RANBP2: variants seen among roughly 807,000 people sequenced by gnomAD.
RANBP2 encodes the protein E3 SUMO-protein ligase RanBP2.
In RANBP2, 57 loss-of-function variants were observed where a neutral mutation model predicts 303.6. The ratio of observed to expected loss-of-function variants is 0.19; its 90% confidence interval spans 0.15 to 0.23. The LOEUF (loss-of-function observed/expected upper bound fraction) is 0.23, where lower values mean the gene tolerates loss of function less well. Ranked by LOEUF, RANBP2 falls within the 10% of genes least tolerant of loss-of-function variation. The probability of loss-of-function intolerance (pLI) is 1.00; values close to 1 mark genes in which losing one functional copy is unlikely to be tolerated. For missense variants in RANBP2, 3,138 were observed against 3,780.8 expected (o/e 0.83, Z 4.46); for synonymous variants, 1,167 against 1,301.5 (o/e 0.90, Z 2.23).
chr2:109,670,633 C>A, the RANBP2 span, among the ~76,000 whole-genome samples: 1 of 152,160 alleles, frequency 6.6e-6, no homozygotes, highest in Non-Finnish European at 1.5e-5. Context: ...TGACCTCGTT[C>A]TGCTGCTGCT....
chr2:109,267,091 C>T, the RANBP2 span, among the ~76,000 whole-genome samples: 54 of 152,140 alleles, frequency 3.5e-4, no homozygotes, highest in Non-Finnish European at 5.7e-4. Flanking sequence ...CCCTGAATGC[C>T]TCTGGTCTCT....
the RANBP2 span, among the ~76,000 whole-genome samples, chr2:109,362,654 C>T: frequency 6.6e-6 from 1 of 152,064 alleles, no homozygotes; most frequent in Non-Finnish European, 1.5e-5. Context: ...TGTCTCTGTC[C>T]ATTTCTGATT....
chr2:108,910,449 C>A, the RANBP2 span: 1 of 1,611,430 alleles, frequency 6.2e-7, no homozygotes, highest in Non-Finnish European at 8.5e-7. Flanking sequence ...GTGCTGGGGG[C>A]TTCCACATAC....
chr2:109,077,221 T>C, the RANBP2 span, among the ~76,000 whole-genome samples: 1 of 150,654 alleles, frequency 6.6e-6, no homozygotes, highest in Non-Finnish European at 1.5e-5. Flanking sequence ...TCACACCATA[T>C]ACAAAAGTCA....
the RANBP2 span, among the ~76,000 whole-genome samples, chr2:109,030,257 G>A: frequency 5.9e-5 from 9 of 152,266 alleles, no homozygotes; most frequent in East Asian, 1.9e-4. Flanking sequence ...CAGGCCATGC[G>A]CTCAAGTGCT....
At chr2:109,090,839 A>G in the RANBP2 span, among the ~76,000 whole-genome samples, 2 of 152,114 alleles carry the variant, frequency 1.3e-5, no homozygotes, top group African/African-American at 4.8e-5. Flanking sequence ...TTTCCAGTCA[A>G]ACTTATATAT....
the RANBP2 span, among the ~76,000 whole-genome samples, chr2:108,989,636 G>C: frequency 6.6e-6 from 1 of 152,008 alleles, no homozygotes; most frequent in Non-Finnish European, 1.5e-5. Flanking sequence ...GAGCCACCAG[G>C]ACTGCTCTTC....
chr2:109,392,854 C>CTGGCTT, the RANBP2 span, among the ~76,000 whole-genome samples: 1 of 152,196 alleles, frequency 6.6e-6, no homozygotes, highest in Non-Finnish European at 1.5e-5. Context: ...CAAAGAGTCC[C>CTGGCTT]TGGCTTTGGA....
At chr2:109,547,173 T>C in the RANBP2 span, among the ~76,000 whole-genome samples, 3 of 152,218 alleles carry the variant, frequency 2.0e-5, no homozygotes, top group Non-Finnish European at 4.4e-5. Flanking sequence ...CTAGCCTTCA[T>C]CTGCCAGCTA....
chr2:108,777,329 T>G, intron 25 of RANBP2, 98 bp downstream of exon 25: 1 of 939,444 alleles, frequency 1.1e-6, no homozygotes, highest in South Asian at 1.5e-5. Context: ...AGTTAGAAGT[T>G]TCTTCCCTTA....
the RANBP2 span, among the ~76,000 whole-genome samples, chr2:109,113,497 T>A: frequency 6.6e-6 from 1 of 152,254 alleles, no homozygotes; most frequent in Non-Finnish European, 1.5e-5. Context: ...ATCCTAAGAC[T>A]TTGCTGAAGT....
At chr2:109,720,886 G>A in the RANBP2 span, among the ~76,000 whole-genome samples, 2 of 152,174 alleles carry the variant, frequency 1.3e-5, no homozygotes, top group African/African-American at 4.8e-5. Flanking sequence ...CCAGCTTCAG[G>A]GGAAGGCGGC....
At chr2:109,333,664 T>G in the RANBP2 span, among the ~76,000 whole-genome samples, 3 of 152,184 alleles carry the variant, frequency 2.0e-5, no homozygotes, top group Non-Finnish European at 4.4e-5. Flanking sequence ...GAGACAAAGT[T>G]TGCTGACCGC....
At chr2:109,106,793 C>T in the RANBP2 span, among the ~76,000 whole-genome samples, 5 of 152,100 alleles carry the variant, frequency 3.3e-5, no homozygotes, top group Admixed American at 6.5e-5. Context: ...GCCAAGATCG[C>T]ACCACTGCAC....
At chr2:109,318,823 G>A in the RANBP2 span, among the ~76,000 whole-genome samples, 1 of 152,238 alleles carries the variant, frequency 6.6e-6, no homozygotes. Flanking sequence ...CATCCACTCA[G>A]AGGCAGACAT....
the RANBP2 span, among the ~76,000 whole-genome samples, chr2:108,995,592 C>A: frequency 6.6e-6 from 1 of 152,342 alleles, no homozygotes; most frequent in East Asian, 1.9e-4. Flanking sequence ...CCTCCCTTCT[C>A]CAGCAGGAAT....
chr2:109,218,086 T>C, the RANBP2 span, among the ~76,000 whole-genome samples: 3 of 151,484 alleles, frequency 2.0e-5, no homozygotes, highest in South Asian at 2.1e-4. Flanking sequence ...GTGGTAAGAG[T>C]AGTCAATAGA....
chr2:109,659,066 C>T, the RANBP2 span, among the ~76,000 whole-genome samples: 2 of 139,788 alleles, frequency 1.4e-5, no homozygotes, highest in Admixed American at 7.2e-5. Flanking sequence ...CTCCGCCCCC[C>T]CGCCAAAAAA....
chr2:109,448,583 CT>C, the RANBP2 span, among the ~76,000 whole-genome samples: 1 of 152,270 alleles, frequency 6.6e-6, no homozygotes, highest in African/African-American at 2.4e-5. Flanking sequence ...AATCTAATGG[CT>C]GATGATCTGT....
Sources: gnomAD v4.1 joint callset for allele counts (sites outside exome capture counted in the v4.1 genomes callset) on GRCh38, gnomAD v4.1.1 for gene constraint, MANE v1.5 for transcripts, NCBI Gene and HGNC (gene_info 2026-07-23, HGNC 2026-07-21) for gene names.